Variants in DDX19B observed in about 807,000 individuals in gnomAD.
The protein encoded by DDX19B is ATP-dependent RNA helicase DDX19B.
A neutral mutation model predicts 58.1 loss-of-function variants in DDX19B; 27 were observed. The observed-to-expected ratio is 0.46, with a 90% confidence interval of 0.34 to 0.64. The LOEUF (loss-of-function observed/expected upper bound fraction) is 0.64. Among genes scored for constraint, DDX19B ranks in the 30% least tolerant of loss-of-function variants. DDX19B has a pLI of 0.01. For missense variants in DDX19B, 399 were observed against 596.5 expected, an observed-to-expected ratio of 0.67 and a Z score of 3.45; for synonymous variants, 187 against 214.4, an observed-to-expected ratio of 0.87 and a Z score of 1.12.
chr16:70,302,112 G>A (rs968835700), intron 1 of DDX19B, among the ~76,000 whole-genome samples: 5 of 151,632 alleles, frequency 3.3e-5, no homozygotes, highest in African/African-American at 1.2e-4. Flanking sequence ...GTAGAGGTGG[G>A]GTTTCACCAT....
At chr16:70,311,508 C>G (rs1962094163) in intron 1 of DDX19B, among the ~76,000 whole-genome samples, 1 of 152,180 alleles carries the variant, frequency 6.6e-6, no homozygotes, top group African/African-American at 2.4e-5. Context: ...CCTCAAGGAG[C>G]AGTAGAAAAC....
In DDX19B at chr16:70,299,279, C is replaced by G. The variant is rs765757902; in HGVS notation, c.-19C>G. 6.4e-7 allele frequency: 1 copy of G among 1,566,266 alleles called. No individual in the cohort carries two copies. ...CCCTCGAATCCACCAGCACGAGCGT[C>G]CCACCCGCGCCTGGGACCATGGCCA... On this transcript the variant is annotated 5_prime_UTR_variant, in exon 1 of 12. Transcript: ENST00000288071.
chr16:70,320,235 G>A (rs545014086), intron 5 of DDX19B, among the ~76,000 whole-genome samples: 1 of 151,078 alleles, frequency 6.6e-6, no homozygotes, highest in Admixed American at 6.6e-5. Context: ...CAGCCTCCCA[G>A]GTAGCTAGGA....
upstream of DDX19B, among the ~76,000 whole-genome samples, chr16:70,291,372 CT>C (rs1322143423): frequency 2.0e-5 from 3 of 152,114 alleles, no homozygotes; most frequent in African/African-American, 7.2e-5. Flanking sequence ...AGCCACCACA[CT>C]TAAAATAGAA....
At chr16:70,310,700 G>T (rs1236210342) in intron 1 of DDX19B, among the ~76,000 whole-genome samples, 1 of 152,040 alleles carries the variant, frequency 6.6e-6, no homozygotes, top group Non-Finnish European at 1.5e-5. Context: ...TCCCTGTGCT[G>T]GGGTCCAAGA....
intron 1 of DDX19B, among the ~76,000 whole-genome samples, chr16:70,302,251 A>T (rs1240823623): frequency 6.6e-6 from 1 of 152,154 alleles, no homozygotes; most frequent in African/African-American, 2.4e-5. Context: ...AGTCAGGTTT[A>T]TGGAGGTATA....
At position 70,333,773 on chromosome 16, in the gene DDX19B, T is replaced by A; in HGVS notation, c.*191T>A. 1.3e-6 allele frequency: 1 copy of A among 779,324 alleles called. No individual in the cohort carries two copies. The highest frequency in any genetic ancestry group is 2.1e-6 in the Non-Finnish European group (1 of 476,320). 48.3% of individuals were successfully genotyped at this position (779,324 alleles called of 1,614,324 possible). ...ATGATGGGGGATGGTAGAAAAAAAT[T>A]ATTTACACAACCTTGGAAGATTAGG... On this transcript the variant is annotated 3_prime_UTR_variant, in exon 12 of 12. Transcript: ENST00000288071.
chr16:70,314,071 T>C (rs763039008), intron 2 of DDX19B, among the ~76,000 whole-genome samples: 1 of 151,896 alleles, frequency 6.6e-6, no homozygotes, highest in Non-Finnish European at 1.5e-5. Context: ...ATCGCACCAC[T>C]GCACTCCAGG....
At position 70,307,481 on chromosome 16, in the gene DDX19B, G is replaced by T. The variant is rs1011330725; in HGVS notation, c.58-5128G>T. Among the ~76,000 whole-genome samples the T allele has an allele frequency of 9.2e-5, 14 of 151,992 alleles. 1 individual carries two copies. Among genetic ancestry groups the T allele is most frequent in the Admixed American group, 2.0e-4 (3 of 15,204 alleles). On this transcript the variant is annotated intron_variant, in intron 1 of 11. Coordinates refer to ENST00000288071, the MANE Select transcript of DDX19B (RefSeq NM_007242.7). ...GGGTTTAAGCGATTCTCATGCCTCA[G>T]CTTCCTAAGTAGGTGGGATTACAAG... is the stretch of plus-strand genomic sequence containing the variant.
intron 7 of DDX19B, among the ~76,000 whole-genome samples, chr16:70,328,974 T>C (rs554586130): frequency 3.3e-5 from 5 of 150,112 alleles, no homozygotes; most frequent in African/African-American, 7.3e-5. Context: ...CCCAGCACTT[T>C]GGGAGGCCGA....
upstream of DDX19B, among the ~76,000 whole-genome samples, chr16:70,294,617 G>C (rs1474820449): frequency 6.6e-6 from 1 of 152,180 alleles, no homozygotes; most frequent in Non-Finnish European, 1.5e-5. Context: ...TGCCCTCATG[G>C]AGTTCCCAGT....
At chr16:70,330,972 G>T (rs1963452741) in intron 9 of DDX19B, among the ~76,000 whole-genome samples, 1 of 152,154 alleles carries the variant, frequency 6.6e-6, no homozygotes. Flanking sequence ...TTGAGCCCAG[G>T]AGGTTGAGAC....
chr16:70,332,517 T>A (rs1963533368), intron 10 of DDX19B, among the ~76,000 whole-genome samples: 1 of 152,242 alleles, frequency 6.6e-6, no homozygotes, highest in Non-Finnish European at 1.5e-5. Flanking sequence ...GCCAGGCTAG[T>A]CTTGAACTCT....
At position 70,321,301 on chromosome 16, in the gene DDX19B, G is replaced by A. The variant is rs1031817742; in HGVS notation, c.390-3284G>A. Among the ~76,000 whole-genome samples, 14 of 152,008 alleles carry A rather than the reference G, an allele frequency of 9.2e-5. 1 individual carries two copies. Among genetic ancestry groups the A allele is most frequent in the Admixed American group, 2.0e-4 (3 of 15,246 alleles). ...TGTTTTGTTTTGGGGTTTTCTTTTG[G>A]TGGAGATGGGGTCTTACTTTGTTGC... On this transcript the variant is annotated intron_variant, in intron 5 of 11. Coordinates refer to ENST00000288071, the MANE Select transcript of DDX19B (RefSeq NM_007242.7).
At chr16:70,293,930 C>T (rs189733743), upstream of DDX19B, among the ~76,000 whole-genome samples, 3 of 151,616 alleles carry the variant, frequency 2.0e-5, no homozygotes, top group Admixed American at 1.3e-4. Flanking sequence ...TTTTTAAGAA[C>T]CTCTAAAGGA....
intron 1 of DDX19B, among the ~76,000 whole-genome samples, chr16:70,307,113 A>C (rs1409320156): frequency 1.3e-5 from 2 of 152,126 alleles, no homozygotes; most frequent in Non-Finnish European, 2.9e-5. Context: ...TTATTTATCC[A>C]CTTATCAATT....
Position 70,329,375 on chromosome 16 carries a change from A to G in DDX19B, c.691A>G (p.Ile231Val). Residue 231 changes from isoleucine to valine, a missense_variant, in exon 8 of 12, where the codon ATT becomes GTT. Physicochemically the swap from Ile to Val is conservative, Grantham distance 29. Transcript: ENST00000288071. ...GGACTGGTGCTCCAAGCTCAAGTTC[A>G]TTGATCCCAAGAAAATCAAGGTGTT... is the stretch of plus-strand genomic sequence containing the variant. Reference protein sequence around the residue: ...VLDWCSKLKFIDPKKIKVFVL... With the variant: ...VLDWCSKLKFVDPKKIKVFVL... The G allele has an allele frequency of 1.2e-6, 2 of 1,614,060 alleles. No homozygotes were observed. Among genetic ancestry groups the G allele is most frequent in the Non-Finnish European group, 1.7e-6 (2 of 1,180,012 alleles).
chr16:70,294,482 ATTTG>A (rs963399024), upstream of DDX19B, among the ~76,000 whole-genome samples: 4 of 152,262 alleles, frequency 2.6e-5, no homozygotes, highest in Admixed American at 2.6e-4. Context: ...GTCTGCACCT[ATTTG>A]TTCAGATGCA....
chr16:70,326,402 G>A (rs775376480), intron 7 of DDX19B, among the ~76,000 whole-genome samples: 4 of 152,188 alleles, frequency 2.6e-5, no homozygotes, highest in Non-Finnish European at 5.9e-5. Flanking sequence ...GTGTGAACCT[G>A]GGAGGCAGAG....
Sources: allele counts gnomAD v4.1 joint callset (sites outside exome capture counted in the v4.1 genomes callset), GRCh38; gene constraint gnomAD v4.1.1; transcripts MANE v1.5; gene names NCBI Gene and HGNC (gene_info 2026-07-23, HGNC 2026-07-21).